RNASET2: variants seen among roughly 807,000 people sequenced by gnomAD.
The protein encoded by RNASET2 is ribonuclease 6.
Under a neutral mutation model 33.9 loss-of-function variants are expected in RNASET2, and 28 were observed. That is an observed-to-expected ratio of 0.83 (90% confidence interval 0.61 to 1.13). The LOEUF is 1.13. RNASET2 is among the 50% of genes most tolerant of loss of function. RNASET2 has a pLI of 0.00. For missense variants in RNASET2, 330 were observed against 319.9 expected (o/e 1.03, Z -0.24); for synonymous variants, 123 against 121.0 (o/e 1.02, Z -0.11).
In RNASET2 at chr6:166,955,387, A is replaced by G. The variant is rs1433073593; in HGVS notation, c.86+710T>C. 13 of 372,670 alleles carry G rather than the reference A, an allele frequency of 3.5e-5. 2 individuals are homozygous for G. The African/African-American group carries it at 3.6e-4, about 10-fold the overall frequency. 23.1% of individuals were successfully genotyped at this position (372,670 alleles called of 1,614,324 possible). A position where few individuals can be genotyped will look rare whatever the true frequency, so the allele number is the denominator to read the frequency against. ...CGCACACACAAACGCACACGCACAC[A>G]CACACACGCGCACACACACACGCGC... is the stretch of plus-strand genomic sequence containing the variant. On this transcript the variant is annotated intron_variant, in intron 1 of 8. Coordinates refer to ENST00000508775, the MANE Select transcript of RNASET2 (RefSeq NM_003730.6).
At chr6:166,935,746 C>T (rs561534889) in intron 6 of RNASET2, among the ~76,000 whole-genome samples, 2 of 152,292 alleles carry the variant, frequency 1.3e-5, no homozygotes, top group East Asian at 3.9e-4. Context: ...GGTGCGATCT[C>T]GACTCACTGC....
rs1056983120 is a variant in RNASET2, at chr6:166,927,972, C to T, written c.*1616G>A. Among the ~76,000 whole-genome samples, 16 of 152,270 alleles carry T rather than the reference C, an allele frequency of 1.1e-4. No individual in the cohort carries two copies. Among genetic ancestry groups the T allele is most frequent in the Admixed American group, 3.9e-4 (6 of 15,290 alleles). On this transcript the variant is annotated 3_prime_UTR_variant, in exon 9 of 9. Transcript: ENST00000508775. ...GACAGAAATGAGCTCAGAGAAGGGC[C>T]GAGGGACAATGACAAGGTGGGGACC...
chr6:166,930,553 T>C (rs1778397957), intron 8 of RNASET2, among the ~76,000 whole-genome samples: 1 of 142,804 alleles, frequency 7.0e-6, no homozygotes, highest in Non-Finnish European at 1.5e-5. Context: ...CACATGCATG[T>C]TCACACAGAG....
chr6:166,922,313 T>C lies in RNASET2; in HGVS notation c.*7275A>G, dbSNP rs916761864. ...CTGAGTTATAGTAAAGCCTGTTTCGTTGGTGTTTGCCTGATAATATCTTAC... is the reference window on the plus strand; with the variant it reads ...CTGAGTTATAGTAAAGCCTGTTTCGCTGGTGTTTGCCTGATAATATCTTAC... On this transcript the variant is annotated 3_prime_UTR_variant, in exon 9 of 9. Coordinates refer to ENST00000508775, the MANE Select transcript of RNASET2 (RefSeq NM_003730.6). Among the ~76,000 whole-genome samples the C allele has an allele frequency of 2.0e-5, 3 of 152,214 alleles. No individual in the cohort carries two copies. Among genetic ancestry groups the C allele is most frequent in the African/African-American group, 7.2e-5 (3 of 41,450 alleles).
intron 1 of RNASET2, chr6:166,955,383 A>G (rs140477428): frequency 0.1 from 25,421 of 244,932 alleles, 3,196 homozygotes; most frequent in African/African-American, 0.41. Context: ...ACGCACACGC[A>G]CACACACACA....
chr6:166,934,403 GCCA>G (rs1172160631), intron 6 of RNASET2: 1 of 464,882 alleles, frequency 2.2e-6, no homozygotes, highest in Non-Finnish European at 3.9e-6. Flanking sequence ...GAGCGCTGGG[GCCA>G]CCACCGAGTG....
intron 1 of RNASET2, among the ~76,000 whole-genome samples, chr6:166,955,332 CA>C (rs1779119727): frequency 2.3e-5 from 2 of 87,032 alleles, no homozygotes; most frequent in South Asian, 1.2e-3. Flanking sequence ...CACACGCACG[CA>C]CGCACACGCA....
intron 2 of RNASET2, among the ~76,000 whole-genome samples, chr6:166,949,199 CAA>C (rs1169530046): frequency 1.1e-3 from 55 of 52,316 alleles, no homozygotes; most frequent in African/African-American, 3.6e-3. Flanking sequence ...ACCGTGTCTC[CAA>C]AAAAAAAAAA....
intron 2 of RNASET2, 25 bp downstream of exon 2, chr6:166,952,463 G>A: frequency 2.5e-6 from 4 of 1,609,942 alleles, no homozygotes; most frequent in Non-Finnish European, 3.4e-6. Context: ...CAGGCCCCAG[G>A]GCCCGTCAAG....
intron 5 of RNASET2, among the ~76,000 whole-genome samples, chr6:166,939,882 G>C (rs946710583): frequency 1.1e-4 from 17 of 152,228 alleles, no homozygotes; most frequent in East Asian, 1.9e-4. Context: ...AATGATTCCT[G>C]ATATTTTACT....
At position 166,925,152 on chromosome 6, in the gene RNASET2, T is replaced by TCCAGCCCTCACTCCTCCCGC. The variant is rs1778285585; in HGVS notation, c.*4435_*4436insGCGGGAGGAGTGAGGGCTGG. ...TGCTGCCCAGGCCTCATCTACGCCA[T>TCCAGCCCTCACTCCTCCCGC]CCAGCCCTCACTCCTGCCGCCCAGC... On this transcript the variant is annotated 3_prime_UTR_variant, in exon 9 of 9. Transcript: ENST00000508775. Among the ~76,000 whole-genome samples the TCCAGCCCTCACTCCTCCCGC allele has an allele frequency of 7.0e-6, 1 of 142,726 alleles. No individual in the cohort carries two copies. Among genetic ancestry groups the TCCAGCCCTCACTCCTCCCGC allele is most frequent in the South Asian group, 2.3e-4 (1 of 4,268 alleles). 93.6% of individuals were successfully genotyped at this position (142,726 alleles called of 152,430 possible).
At chr6:166,936,068 A>T (rs1778558371) in intron 6 of RNASET2, among the ~76,000 whole-genome samples, 1 of 152,234 alleles carries the variant, frequency 6.6e-6, no homozygotes, top group African/African-American at 2.4e-5. Flanking sequence ...TTAAATTTTG[A>T]CTTCTTAATT....
chr6:166,954,993 A>T lies in RNASET2; in HGVS notation c.86+1104T>A, dbSNP rs1562506156. Reference sequence around the variant, plus strand: ...GTGACAGAGTAAGACTGTCTAAAAAAAAATAAATAAGTAAAACCCACCTTT... The same window carrying T: ...GTGACAGAGTAAGACTGTCTAAAAATAAATAAATAAGTAAAACCCACCTTT... On this transcript the variant is annotated intron_variant, in intron 1 of 8. Coordinates refer to ENST00000508775, the MANE Select transcript of RNASET2 (RefSeq NM_003730.6). Among the ~76,000 whole-genome samples, 4 of 151,926 alleles carry T rather than the reference A, an allele frequency of 2.6e-5. No individual in the cohort carries two copies. The South Asian group carries it at 6.2e-4, about 24-fold the overall frequency.
rs914013610 is a variant in RNASET2, at chr6:166,927,440, T to C, written c.*2148A>G. On this transcript the variant is annotated 3_prime_UTR_variant, in exon 9 of 9. Coordinates refer to ENST00000508775, the MANE Select transcript of RNASET2 (RefSeq NM_003730.6). ...AAACCAGCACTCCGCAGCCCATGCC[T>C]CCCACCAGGATGCTACCTTGTTGGC... Among the ~76,000 whole-genome samples, 1 of 152,024 alleles carries C rather than the reference T, an allele frequency of 6.6e-6. No individual in the cohort carries two copies. Among genetic ancestry groups the C allele is most frequent in the Non-Finnish European group, 1.5e-5 (1 of 68,002 alleles).
At chr6:166,943,161 G>C in intron 4 of RNASET2, 72 bp from the exon 5 acceptor site, 1 of 1,085,114 alleles carries the variant, frequency 9.2e-7, no homozygotes, top group Non-Finnish European at 1.4e-6. Flanking sequence ...AGGTAAATTT[G>C]ATAAACTGAC....
chr6:166,952,493 A>G lies in RNASET2; in HGVS notation c.142T>C (p.Cys48Arg), dbSNP rs919595149. 1.2e-6 allele frequency: 2 copies of G among 1,613,826 alleles called. No individual in the cohort carries two copies. Among genetic ancestry groups the G allele is most frequent in the African/African-American group, 1.3e-5 (1 of 74,952 alleles). ...GTCAAGGCAGAAACACTCACCTCGC[A>G]TACTGTCTCAGGCCAGTGCTGAACC... is the stretch of plus-strand genomic sequence containing the variant. ...IMVQHWPETVCEKIQNDCRDP... is the reference protein window; with the variant it reads ...IMVQHWPETVREKIQNDCRDP... The change falls in exon 2 of 9, where the codon TGC becomes CGC. Residue 48 changes from cysteine to arginine, a missense_variant. Physicochemically the swap from Cys to Arg is radical, Grantham distance 180. Coordinates refer to ENST00000508775, the MANE Select transcript of RNASET2 (RefSeq NM_003730.6).
chr6:166,945,925 C>T (rs1465976457), intron 4 of RNASET2, among the ~76,000 whole-genome samples: 1 of 151,982 alleles, frequency 6.6e-6, no homozygotes, highest in Non-Finnish European at 1.5e-5. Context: ...TAGGAAAGAC[C>T]CACAACTCCC....
intron 1 of RNASET2, chr6:166,955,693 C>T: frequency 1.8e-6 from 2 of 1,081,658 alleles, no homozygotes; most frequent in Non-Finnish European, 2.3e-6. Flanking sequence ...CTACCCCCTA[C>T]TCCTTCCCAG....
intron 2 of RNASET2, among the ~76,000 whole-genome samples, chr6:166,951,998 G>C (rs1263612990): frequency 6.6e-6 from 1 of 152,178 alleles, no homozygotes; most frequent in Non-Finnish European, 1.5e-5. Flanking sequence ...ATCAAGAAAA[G>C]GTGATACCAG....
Sources: gnomAD v4.1 joint callset for allele counts (sites outside exome capture counted in the v4.1 genomes callset) on GRCh38, gnomAD v4.1.1 for gene constraint, MANE v1.5 for transcripts, NCBI Gene and HGNC (gene_info 2026-07-23, HGNC 2026-07-21) for gene names.